Variants in TRIM29 observed in about 807,000 individuals in gnomAD.
The protein encoded by TRIM29 is tripartite motif-containing protein 29.
In TRIM29, 52 loss-of-function variants were observed where a neutral mutation model predicts 57.3. The observed-to-expected ratio is 0.91, with a 90% CI of 0.73 to 1.14. The LOEUF (loss-of-function observed/expected upper bound fraction) is 1.14. Ranked by LOEUF, TRIM29 falls within the 50% of genes most tolerant of loss-of-function variation. The pLI is 0.00. For synonymous variants in TRIM29, 319 were observed against 316.9 expected (o/e 1.01, Z -0.07); for missense variants, 753 against 774.6 (o/e 0.97, Z 0.33).
rs1863850063 is a variant in TRIM29, at chr11:120,137,743, C to A, written c.289G>T (p.Asp97Tyr). The change falls in exon 1 of 9, where the codon GAC (aspartate) becomes TAC (tyrosine). Residue 97 changes from aspartate (D) to tyrosine (Y), a missense_variant. Physicochemically the swap from Asp to Tyr is radical, Grantham distance 160 (BLOSUM62 -3). Transcript: ENST00000341846. The surrounding 1 kb of genome is among the most constrained non-coding windows in gnomAD (Gnocchi z 6.2). ...GGCGACCTCTTGCCTTCCATAGAGT[C>A]CATGCTGAAGTAGTTGGAGTTCTTG... ...DDKNSNYFSM[D>Y]SMEGKRSPYA... The A allele has an allele frequency of 1.2e-6, 2 of 1,612,542 alleles. No individual in the cohort carries two copies. The highest frequency in any genetic ancestry group is 1.7e-6 in the Non-Finnish European group (2 of 1,180,024).
At chr11:120,136,798 A>T (rs200606468) in intron 1 of TRIM29, among the ~76,000 whole-genome samples, 2,216 of 152,232 alleles carry the variant, frequency 0.015, 97 homozygotes, top group East Asian at 0.13. Flanking sequence ...GCAAAAAAAA[A>T]AAAAAATAAA....
chr11:120,117,761 C>G, intron 7 of TRIM29: 1 of 189,776 alleles, frequency 5.3e-6, no homozygotes, highest in South Asian at 9.3e-5. Flanking sequence ...CTTGGGGGGA[C>G]TTAGGGTCGT....
At position 120,135,864 on chromosome 11, in the gene TRIM29, A is replaced by C. The variant is rs1863804750; in HGVS notation, c.804+1364T>G. 1.3e-5 allele frequency among the ~76,000 whole-genome samples: 2 copies of C among 152,134 alleles called. 1 individual carries two copies. Among genetic ancestry groups the C allele is most frequent in the South Asian group, 4.1e-4 (2 of 4,828 alleles). ...GAAGCTCTTCAGGAAAGTGGAGTTCACTGCTTTGGAGGCCAGGAAGGTTTG... is the reference window on the plus strand; with the variant it reads ...GAAGCTCTTCAGGAAAGTGGAGTTCCCTGCTTTGGAGGCCAGGAAGGTTTG... On this transcript the variant is annotated intron_variant, in intron 1 of 8. Coordinates refer to ENST00000341846, the MANE Select transcript of TRIM29 (RefSeq NM_012101.4).
chr11:120,128,362 G>A, intron 2 of TRIM29, 38 bp downstream of exon 2: 1 of 1,596,986 alleles, frequency 6.3e-7, no homozygotes. Context: ...GGCCAGGTCG[G>A]GTAAGGGAGC....
chr11:120,117,063 G>A (rs1349188211), intron 7 of TRIM29: 1 of 434,288 alleles, frequency 2.3e-6, no homozygotes, highest in Admixed American at 2.5e-5. Context: ...AGTGCCTGCT[G>A]GGAGAGAGAG....
intron 5 of TRIM29, chr11:120,121,048 T>C (rs1013121006): frequency 2.7e-6 from 1 of 366,462 alleles, no homozygotes; most frequent in African/African-American, 2.1e-5. Flanking sequence ...CACAAGTGCT[T>C]TCCTTCCCGC....
chr11:120,115,597 C>T, intron 7 of TRIM29, 183 bp from the exon 8 acceptor site: 6 of 593,628 alleles, frequency 1.0e-5, no homozygotes, highest in South Asian at 1.0e-4. Flanking sequence ...CCTGGGGAGG[C>T]TGGCCAAAGG....
chr11:120,123,808 A>G (rs1863519287), intron 4 of TRIM29: 1 of 309,504 alleles, frequency 3.2e-6, no homozygotes, highest in Non-Finnish European at 6.3e-6. Flanking sequence ...ACCTGCGCCT[A>G]TCAGTGTCCT....
rs1181319459 is a variant in TRIM29, at chr11:120,111,379, A to G, written c.*1035T>C. 6.6e-6 allele frequency: 1 copy of G among 152,410 alleles called. No homozygotes were observed. Among genetic ancestry groups the G allele is most frequent in the African/African-American group, 2.4e-5 (1 of 41,450 alleles). 9.4% of individuals were successfully genotyped at this position (152,410 alleles called of 1,614,324 possible). ...GCTGGCCCATCCTTCCAGAGCCCCCATAGGCCTGGGGCTGTTGAGACGGGA... is the reference window on the plus strand; with the variant it reads ...GCTGGCCCATCCTTCCAGAGCCCCCGTAGGCCTGGGGCTGTTGAGACGGGA... On this transcript the variant is annotated 3_prime_UTR_variant, in exon 9 of 9. Coordinates refer to ENST00000341846, the MANE Select transcript of TRIM29 (RefSeq NM_012101.4).
chr11:120,137,745 A>G lies in TRIM29; in HGVS notation c.287T>C (p.Met96Thr), dbSNP rs1863850101. ...GDDKNSNYFSMDSMEGKRSPY... is the reference protein window; with the variant it reads ...GDDKNSNYFSTDSMEGKRSPY... ...CGACCTCTTGCCTTCCATAGAGTCC[A>G]TGCTGAAGTAGTTGGAGTTCTTGTC... Residue 96 changes from methionine to threonine, a missense_variant, in exon 1 of 9, where the codon ATG (methionine) becomes ACG (threonine). Transcript: ENST00000341846. The surrounding 1 kb of genome is among the most constrained non-coding windows in gnomAD (Gnocchi z 6.2). 4 of 1,612,490 alleles carry G rather than the reference A, an allele frequency of 2.5e-6. No homozygotes were observed. The highest frequency in any genetic ancestry group is 1.3e-5 in the African/African-American group (1 of 75,020).
At chr11:120,113,846 G>A (rs577870504) in intron 8 of TRIM29, among the ~76,000 whole-genome samples, 4 of 152,156 alleles carry the variant, frequency 2.6e-5, no homozygotes, top group Non-Finnish European at 5.9e-5. Context: ...AATAATATGG[G>A]TTGCAGGTCA....
At chr11:120,122,038 A>C in intron 5 of TRIM29, 1 of 438,004 alleles carries the variant, frequency 2.3e-6, no homozygotes, top group Non-Finnish European at 4.6e-6. Flanking sequence ...CAAGAAGCCC[A>C]GGGGTTGTTT....
chr11:120,114,252 G>A (rs1016989409), intron 8 of TRIM29, among the ~76,000 whole-genome samples: 3 of 152,206 alleles, frequency 2.0e-5, no homozygotes, highest in African/African-American at 7.2e-5. Context: ...AAAGTATGTA[G>A]TAGGGAGGGG....
chr11:120,112,603 T>G, intron 8 of TRIM29, 127 bp from the exon 9 acceptor site: 1 of 955,014 alleles, frequency 1.0e-6, no homozygotes, highest in Admixed American at 2.4e-5. Context: ...AGGGGCCTTT[T>G]TGGCCTGATC....
At position 120,127,570 on chromosome 11, in the gene TRIM29, C is replaced by G. The variant is rs932513822; in HGVS notation, c.901-1G>C. 8 of 1,613,314 alleles carry G rather than the reference C, an allele frequency of 5.0e-6. No homozygotes were observed. Among genetic ancestry groups the G allele is most frequent in the Non-Finnish European group, 6.8e-6 (8 of 1,179,558 alleles). ...TGGCCTTCTCATTGGTGGTGAAGCT[C>G]TGGAGGTCCAGAGTCAGGGAAGAGA... is the stretch of plus-strand genomic sequence containing the variant. On this transcript the variant is annotated splice_acceptor_variant, in intron 2 of 8. Coordinates refer to ENST00000341846, the MANE Select transcript of TRIM29 (RefSeq NM_012101.4). LOFTEE classifies it high-confidence loss of function.
chr11:120,123,649 C>G (rs1863515723), intron 4 of TRIM29, among the ~76,000 whole-genome samples: 1 of 152,224 alleles, frequency 6.6e-6, no homozygotes, highest in African/African-American at 2.4e-5. Context: ...TCAAACAGAT[C>G]TGCTGCTCGA....
chr11:120,116,795 T>G, intron 7 of TRIM29: 1 of 215,386 alleles, frequency 4.6e-6, no homozygotes. Flanking sequence ...CAGGCAGAAG[T>G]CCAGATAGAG....
rs1863850379 is a variant in TRIM29 at position 120,137,758 on chromosome 11, T to C, written c.274A>G (p.Asn92Asp). The C allele has an allele frequency of 1.2e-6, 2 of 1,612,190 alleles. No individual in the cohort carries two copies. The highest frequency in any genetic ancestry group is 1.7e-6 in the Non-Finnish European group (2 of 1,180,018). ...FVESGDDKNS[N>D]YFSMDSMEGK... ...TCCATAGAGTCCATGCTGAAGTAGT[T>C]GGAGTTCTTGTCGTCCCCGGACTCG... is the stretch of plus-strand genomic sequence containing the variant. The change falls in exon 1 of 9, where the codon AAC (asparagine) becomes GAC (aspartate). Residue 92 changes from asparagine to aspartate, a missense_variant. By Grantham distance (23) the Asn-to-Asp change is conservative. Transcript: ENST00000341846. The surrounding 1 kb of genome is among the most constrained non-coding windows in gnomAD (Gnocchi z 6.2).
intron 1 of TRIM29, among the ~76,000 whole-genome samples, chr11:120,133,537 A>G (rs1863758159): frequency 6.6e-6 from 1 of 150,426 alleles, no homozygotes; most frequent in African/African-American, 2.5e-5. Flanking sequence ...AGGCCCCCCT[A>G]CCTCCTTTCT....
Sources: gnomAD v4.1 joint callset for allele counts (sites outside exome capture counted in the v4.1 genomes callset) on GRCh38, gnomAD v4.1.1 for gene constraint, Gnocchi (gnomAD v3.1) non-coding constraint, MANE v1.5 for transcripts, NCBI Gene and HGNC (gene_info 2026-07-23, HGNC 2026-07-21) for gene names.